The following RUNDC3B variants were observed in gnomAD, a reference collection of about 807,000 sequenced individuals.
The protein encoded by RUNDC3B is RUN domain containing 3B.
In RUNDC3B, 33 loss-of-function variants were observed where a neutral mutation model predicts 58.4. That is an observed-to-expected ratio of 0.56 (90% CI 0.43 to 0.75). The LOEUF (loss-of-function observed/expected upper bound fraction) is 0.75. RUNDC3B is among the 30% of genes least tolerant of loss of function. The pLI, the probability that RUNDC3B is intolerant of heterozygous loss-of-function variation, is 0.00. For missense variants in RUNDC3B, 501 were observed against 535.7 expected, an observed-to-expected ratio of 0.94 and a Z score of 0.64; for synonymous variants, 193 against 195.2, an observed-to-expected ratio of 0.99 and a Z score of 0.10.
At chr7:87,697,762 T>C (rs754904507) in intron 2 of RUNDC3B, among the ~76,000 whole-genome samples, 6 of 152,178 alleles carry the variant, frequency 3.9e-5, no homozygotes, top group Non-Finnish European at 7.4e-5. Flanking sequence ...TACTATCCAG[T>C]AGGTACTATC....
chr7:87,643,967 G>A (rs1014943765), intron 1 of RUNDC3B, among the ~76,000 whole-genome samples: 3 of 150,706 alleles, frequency 2.0e-5, no homozygotes, highest in African/African-American at 4.9e-5. Flanking sequence ...CAAGTGATTC[G>A]CCTGCCTCAG....
At chr7:87,645,299 G>T (rs1822891146) in intron 1 of RUNDC3B, among the ~76,000 whole-genome samples, 1 of 151,914 alleles carries the variant, frequency 6.6e-6, no homozygotes, top group Non-Finnish European at 1.5e-5. Context: ...GGCCAGGCAG[G>T]TCTTGAACTC....
At chr7:87,710,469 T>C in intron 3 of RUNDC3B, 101 bp from the exon 4 acceptor site, 1 of 668,692 alleles carries the variant, frequency 1.5e-6, no homozygotes, top group East Asian at 2.9e-5. Flanking sequence ...AAATGTATAT[T>C]TTGAATGGCT....
chr7:87,758,708 T>C (rs1412502522), intron 6 of RUNDC3B, among the ~76,000 whole-genome samples: 1 of 152,124 alleles, frequency 6.6e-6, no homozygotes, highest in Non-Finnish European at 1.5e-5. Flanking sequence ...ATACAAATGG[T>C]TAACAGGTAC....
chr7:87,637,303 A>G (rs1473927915), intron 1 of RUNDC3B, among the ~76,000 whole-genome samples: 1 of 152,244 alleles, frequency 6.6e-6, no homozygotes, highest in African/African-American at 2.4e-5. Context: ...CTGAGCTAAT[A>G]TCGTACTAAA....
chr7:87,698,383 C>T (rs6951343), intron 2 of RUNDC3B, among the ~76,000 whole-genome samples: 1,579 of 152,150 alleles, frequency 0.01, 31 homozygotes, highest in African/African-American at 0.036. Flanking sequence ...CGTGAGCCAC[C>T]GCACCGGCTG....
chr7:87,718,488 C>CT (rs1251203439), intron 4 of RUNDC3B, among the ~76,000 whole-genome samples: 1 of 152,110 alleles, frequency 6.6e-6, no homozygotes, highest in African/African-American at 2.4e-5. Context: ...CTTCCAAAAT[C>CT]TAAGTTCTCA....
At chr7:87,636,461 G>A (rs1288315960) in intron 1 of RUNDC3B, among the ~76,000 whole-genome samples, 2 of 152,080 alleles carry the variant, frequency 1.3e-5, no homozygotes, top group Non-Finnish European at 1.5e-5. Context: ...TGTACATTCT[G>A]TATGGGAATC....
intron 8 of RUNDC3B, among the ~76,000 whole-genome samples, chr7:87,794,949 C>T (rs1413421574): frequency 6.6e-6 from 1 of 152,158 alleles, no homozygotes; most frequent in Non-Finnish European, 1.5e-5. Context: ...ACCTGTATCT[C>T]TCACCATATA....
intron 7 of RUNDC3B, among the ~76,000 whole-genome samples, chr7:87,776,037 AG>A (rs1834602274): frequency 6.6e-6 from 1 of 152,224 alleles, no homozygotes; most frequent in South Asian, 2.1e-4. Context: ...AATGAACCAC[AG>A]TATAACTCTT....
At chr7:87,802,525 A>G (rs1003272795) in intron 8 of RUNDC3B, among the ~76,000 whole-genome samples, 1 of 152,364 alleles carries the variant, frequency 6.6e-6, no homozygotes, top group Middle Eastern at 3.4e-3. Context: ...ACTATAGTCA[A>G]AAGTAATTTA....
intron 2 of RUNDC3B, among the ~76,000 whole-genome samples, chr7:87,689,322 TTC>T (rs1446620058): frequency 6.6e-6 from 1 of 152,120 alleles, no homozygotes. Flanking sequence ...CCCTTTGAGT[TTC>T]TGTCAGAAAA....
intron 2 of RUNDC3B, among the ~76,000 whole-genome samples, chr7:87,687,156 T>G (rs906966071): frequency 6.6e-6 from 1 of 152,194 alleles, no homozygotes; most frequent in Non-Finnish European, 1.5e-5. Flanking sequence ...ATTCTTAATA[T>G]TTTTTCAGTT....
intron 8 of RUNDC3B, among the ~76,000 whole-genome samples, chr7:87,789,609 A>C (rs1835416182): frequency 6.6e-6 from 1 of 152,206 alleles, no homozygotes; most frequent in Non-Finnish European, 1.5e-5. Flanking sequence ...TTAAAATTAA[A>C]ATCATGTTAA....
chr7:87,640,965 C>G (rs1197546927), intron 1 of RUNDC3B, among the ~76,000 whole-genome samples: 1 of 152,126 alleles, frequency 6.6e-6, no homozygotes, highest in African/African-American at 2.4e-5. Flanking sequence ...GTATTACTCA[C>G]ATTTATCTTA....
chr7:87,786,607 ATAT>A (rs1188337072), intron 8 of RUNDC3B, among the ~76,000 whole-genome samples: 1 of 152,010 alleles, frequency 6.6e-6, no homozygotes, highest in Non-Finnish European at 1.5e-5. Context: ...TACAATTAAA[ATAT>A]TAAGAAGATA....
chr7:87,700,924 G>A (rs558028035), intron 3 of RUNDC3B, among the ~76,000 whole-genome samples: 2 of 152,340 alleles, frequency 1.3e-5, no homozygotes, highest in African/African-American at 4.8e-5. Context: ...ACATCAAACT[G>A]TGCAAGCAGT....
intron 2 of RUNDC3B, among the ~76,000 whole-genome samples, chr7:87,671,431 G>A (rs537486929): frequency 6.6e-6 from 1 of 152,176 alleles, no homozygotes; most frequent in East Asian, 1.9e-4. Flanking sequence ...CCTGTCTGGT[G>A]AGGAGATCTG....
chr7:87,761,995 T>A (rs1455087872), intron 6 of RUNDC3B, among the ~76,000 whole-genome samples: 2 of 151,804 alleles, frequency 1.3e-5, no homozygotes, highest in Non-Finnish European at 3.0e-5. Context: ...TTTTGGGGCT[T>A]GATCTTAAAA....
Sources: allele counts gnomAD v4.1 joint callset (sites outside exome capture counted in the v4.1 genomes callset), GRCh38; gene constraint gnomAD v4.1.1; transcripts MANE v1.5; gene names NCBI Gene and HGNC (gene_info 2026-07-23, HGNC 2026-07-21).